The following PPP2R2A variants were observed in gnomAD, a reference collection of about 807,000 sequenced individuals.
PPP2R2A encodes protein phosphatase 2 regulatory subunit Balpha, also known as serine/threonine-protein phosphatase 2A 55 kDa regulatory subunit B alpha isoform.
In PPP2R2A, 9 loss-of-function variants were observed where a neutral mutation model predicts 53.2. The observed-to-expected ratio is 0.17, with a 90% CI of 0.10 to 0.30. The LOEUF is 0.30. PPP2R2A is among the 10% of genes least tolerant of loss of function. The probability of loss-of-function intolerance (pLI) is 1.00; values close to 1 mark genes in which losing one functional copy is unlikely to be tolerated. For missense variants in PPP2R2A, 235 were observed against 534.6 expected (o/e 0.44, Z 5.53); for synonymous variants, 169 against 174.2 (o/e 0.97, Z 0.23).
chr8:26,294,751 A>G (rs796522621), intron 2 of PPP2R2A, among the ~76,000 whole-genome samples: 5 of 152,040 alleles, frequency 3.3e-5, no homozygotes, highest in Non-Finnish European at 7.4e-5. Flanking sequence ...TGGTAGCCGA[A>G]CTCTCTTATT....
intron 3 of PPP2R2A, among the ~76,000 whole-genome samples, chr8:26,349,235 G>T (rs2117362713): frequency 6.6e-6 from 1 of 151,866 alleles, no homozygotes; most frequent in African/African-American, 2.4e-5. Flanking sequence ...TGGGTGGGTA[G>T]ATGTGTGTGT....
At chr8:26,320,217 A>T (rs528114789) in intron 2 of PPP2R2A, among the ~76,000 whole-genome samples, 2 of 151,876 alleles carry the variant, frequency 1.3e-5, no homozygotes. Context: ...GTGGGTGTCA[A>T]CTCTCTTGTT....
intron 6 of PPP2R2A, 22 bp downstream of exon 6, chr8:26,361,173 G>A (rs1415918012): frequency 1.3e-6 from 2 of 1,555,756 alleles, no homozygotes; most frequent in Non-Finnish European, 1.7e-6. Flanking sequence ...GTTTTCTTTG[G>A]TGTTTGGTGA....
intron 2 of PPP2R2A, among the ~76,000 whole-genome samples, chr8:26,303,739 C>G (rs1388503542): frequency 6.6e-6 from 1 of 151,912 alleles, no homozygotes; most frequent in Admixed American, 6.6e-5. Flanking sequence ...GGTTTAAACA[C>G]TGAATGTAAT....
Position 26,324,062 on chromosome 8 carries a change from A to G in PPP2R2A, c.83-14828A>G, listed in dbSNP as rs555292364. On this transcript the variant is annotated intron_variant, in intron 2 of 9. Transcript: ENST00000380737. ...TGCCACCATTTGTCTTACAGAGTCT[A>G]CATTAATCTCACTGGCTTTCTTGTT... is the stretch of plus-strand genomic sequence containing the variant. 3.3e-5 allele frequency among the ~76,000 whole-genome samples: 5 copies of G among 152,326 alleles called. No individual in the cohort carries two copies. The South Asian group carries it at 6.2e-4, about 19-fold the overall frequency.
intron 2 of PPP2R2A, among the ~76,000 whole-genome samples, chr8:26,326,797 G>A (rs566919753): frequency 6.6e-6 from 1 of 152,328 alleles, no homozygotes; most frequent in African/African-American, 2.4e-5. Context: ...AACATCTAAT[G>A]AAGATGATAA....
intron 3 of PPP2R2A, chr8:26,350,634 G>C (rs995377992): frequency 1.3e-5 from 2 of 151,628 alleles, no homozygotes; most frequent in African/African-American, 4.9e-5. Flanking sequence ...TTGAACTCCT[G>C]ACCTCAAGCA....
Position 26,293,914 on chromosome 8 carries a change from G to A in PPP2R2A, c.82+174G>A, listed in dbSNP as rs1801421699. ...TGAAAAACAGCCTTAAATTTCATTT[G>A]TTATTTACGCCTTGTTTTTATTATT... On this transcript the variant is annotated intron_variant, in intron 2 of 9. Coordinates refer to ENST00000380737, the MANE Select transcript of PPP2R2A (RefSeq NM_002717.4). 6 of 611,382 alleles carry A rather than the reference G, an allele frequency of 9.8e-6. No homozygotes were observed. The South Asian group carries it at 1.3e-4, about 13-fold the overall frequency. The allele number at this position is 611,382 out of a possible 1,614,324, so 37.9% of individuals were successfully genotyped here.
chr8:26,323,844 C>T (rs1463418047), intron 2 of PPP2R2A, among the ~76,000 whole-genome samples: 1 of 152,152 alleles, frequency 6.6e-6, no homozygotes. Flanking sequence ...CAGCCCCACT[C>T]CCTTCCACTT....
chr8:26,362,708 A>G lies in PPP2R2A; in HGVS notation c.662A>G (p.Asn221Ser), dbSNP rs1805173727. 6 of 1,614,086 alleles carry G rather than the reference A, an allele frequency of 3.7e-6. No homozygotes were observed. Among genetic ancestry groups the G allele is most frequent in the South Asian group, 2.2e-5 (2 of 91,076 alleles). Residue 221 changes from asparagine to serine, a missense_variant, in exon 7 of 10, where the codon AAT (asparagine) becomes AGT (serine). Asn to Ser is a conservative substitution (Grantham distance 46, BLOSUM62 1). Around this residue, in one of 3 missense-constraint regions of PPP2R2A, gnomAD observed 181 missense variants for 409.9 expected, o/e 0.44. Transcript: ENST00000380737. This position sits in a 1 kb window ranked among gnomAD's most constrained non-coding sequence, Gnocchi z 4.4. ...SFNIVDIKPA[N>S]MEELTEVITA... ...GACATTGTGGATATCAAGCCTGCCA[A>G]TATGGAAGAGCTAACAGAGGTGATT...
chr8:26,335,421 G>A (rs1257933959), intron 2 of PPP2R2A, among the ~76,000 whole-genome samples: 3 of 152,094 alleles, frequency 2.0e-5, no homozygotes, highest in Non-Finnish European at 4.4e-5. Flanking sequence ...TTTAAATTCT[G>A]TTTTAGAAAC....
At chr8:26,311,110 C>T (rs1027970302) in intron 2 of PPP2R2A, among the ~76,000 whole-genome samples, 1 of 151,980 alleles carries the variant, frequency 6.6e-6, no homozygotes, top group African/African-American at 2.4e-5. Flanking sequence ...TTGAGAATTG[C>T]TGTGTTTTAG....
chr8:26,364,767 A>AT (rs1301706834), intron 8 of PPP2R2A, among the ~76,000 whole-genome samples: 1 of 152,238 alleles, frequency 6.6e-6, no homozygotes, highest in East Asian at 1.9e-4. Context: ...AGCAACATGG[A>AT]TTTGAACTGC....
At chr8:26,314,326 A>G (rs891702195) in intron 2 of PPP2R2A, among the ~76,000 whole-genome samples, 1 of 152,188 alleles carries the variant, frequency 6.6e-6, no homozygotes, top group Non-Finnish European at 1.5e-5. Flanking sequence ...GCGTGCTTCA[A>G]TCTGGGCAGT....
chr8:26,292,485 A>C (rs1801345024), intron 1 of PPP2R2A: 2 of 968,470 alleles, frequency 2.1e-6, no homozygotes, highest in African/African-American at 3.5e-5. Flanking sequence ...TGCGTTTAGC[A>C]TGTTAGCTTT....
At chr8:26,355,567 A>G (rs1189378067) in intron 4 of PPP2R2A, among the ~76,000 whole-genome samples, 1 of 152,126 alleles carries the variant, frequency 6.6e-6, no homozygotes, top group Admixed American at 6.5e-5. Context: ...GTGAGGATTA[A>G]AAGTTAGTAA....
chr8:26,309,339 T>A (rs1802168804), intron 2 of PPP2R2A, among the ~76,000 whole-genome samples: 1 of 152,184 alleles, frequency 6.6e-6, no homozygotes, highest in Non-Finnish European at 1.5e-5. Flanking sequence ...AAGCAGTAGG[T>A]CTCAACAGTG....
intron 2 of PPP2R2A, among the ~76,000 whole-genome samples, chr8:26,330,485 A>T (rs1461770986): frequency 1.3e-5 from 2 of 151,178 alleles, no homozygotes; most frequent in African/African-American, 2.4e-5. Context: ...ACGCTACAGC[A>T]CCTGGCTTAG....
chr8:26,299,636 C>T (rs1391389743), intron 2 of PPP2R2A, among the ~76,000 whole-genome samples: 1 of 151,756 alleles, frequency 6.6e-6, no homozygotes, highest in Non-Finnish European at 1.5e-5. Flanking sequence ...TATGATATCT[C>T]ACACAATTTA....
Sources: allele counts gnomAD v4.1 joint callset (sites outside exome capture counted in the v4.1 genomes callset), GRCh38; gene constraint gnomAD v4.1.1; regional missense constraint gnomAD v4.1.1; non-coding constraint Gnocchi (gnomAD v3.1); transcripts MANE v1.5; gene names NCBI Gene and HGNC (gene_info 2026-07-23, HGNC 2026-07-21).